TMEM9: variants seen among roughly 807,000 people sequenced by gnomAD.
TMEM9 encodes transmembrane protein 9.
In TMEM9, 13 loss-of-function variants were observed where a neutral mutation model predicts 22.8. The observed-to-expected ratio is 0.57, with a 90% CI of 0.37 to 0.91. The LOEUF is 0.91. Ranked by LOEUF, TMEM9 falls within the 40% of genes least tolerant of loss-of-function variation. The pLI is 0.01. For synonymous variants in TMEM9, 88 were observed against 93.0 expected, an observed-to-expected ratio of 0.95 and a Z score of 0.31; for missense variants, 182 against 238.1, an observed-to-expected ratio of 0.76 and a Z score of 1.55.
chr1:201,136,233 C>G (rs1462149631), intron 4 of TMEM9, among the ~76,000 whole-genome samples: 1 of 152,226 alleles, frequency 6.6e-6, no homozygotes, highest in Admixed American at 6.5e-5. Context: ...CAAGACCTCA[C>G]TTAGGCAGAG....
chr1:201,150,114 A>G (rs1287506107), intron 2 of TMEM9, among the ~76,000 whole-genome samples: 1 of 152,188 alleles, frequency 6.6e-6, no homozygotes, highest in Non-Finnish European at 1.5e-5. Context: ...GGACAGAGAG[A>G]GTGTTCCTAA....
At chr1:201,161,633 T>C (rs961697781) in intron 1 of TMEM9, among the ~76,000 whole-genome samples, 1 of 152,242 alleles carries the variant, frequency 6.6e-6, no homozygotes, top group African/African-American at 2.4e-5. Context: ...TCAGGACTTT[T>C]CAGATGCTTT....
upstream of TMEM9, among the ~76,000 whole-genome samples, chr1:201,158,911 C>T (rs979295373): frequency 6.6e-6 from 1 of 152,136 alleles, no homozygotes; most frequent in Non-Finnish European, 1.5e-5. Context: ...ACTCCCTGTC[C>T]CTACCGTTGG....
At chr1:201,159,484 TACACAC>T (rs60273477), upstream of TMEM9, among the ~76,000 whole-genome samples, 49,852 of 147,502 alleles carry the variant, frequency 0.34, 8,437 homozygotes, top group East Asian at 0.45. Flanking sequence ...TGCCTTTTTA[TACACAC>T]ACACACACAC....
At chr1:201,158,913 T>C (rs1665874803), upstream of TMEM9, among the ~76,000 whole-genome samples, 1 of 152,172 alleles carries the variant, frequency 6.6e-6, no homozygotes, top group Admixed American at 6.5e-5. Context: ...TCCCTGTCCC[T>C]ACCGTTGGTG....
In TMEM9 at chr1:201,154,068, C is replaced by G; in HGVS notation, c.-145G>C. On this transcript the variant is annotated 5_prime_UTR_variant, in exon 1 of 5. Coordinates refer to ENST00000367330, the MANE Select transcript of TMEM9 (RefSeq NM_001288565.2). ...TGGGAATGGGGTTGGGGGCTGGGCT[C>G]CAGGATTCCAAGGCCTGCTAAACCT... The G allele has an allele frequency of 1.0e-6, 1 of 970,802 alleles. No individual in the cohort carries two copies. 60.1% of individuals were successfully genotyped at this position (970,802 alleles called of 1,614,324 possible).
At chr1:201,168,486 A>T (rs1468649972) in intron 1 of TMEM9, among the ~76,000 whole-genome samples, 4 of 152,198 alleles carry the variant, frequency 2.6e-5, no homozygotes, top group African/African-American at 9.7e-5. Context: ...TGGGAGGCTG[A>T]TACAGGTGGA....
intron 1 of TMEM9, among the ~76,000 whole-genome samples, chr1:201,152,136 G>A (rs1665474146): frequency 6.7e-6 from 1 of 149,702 alleles, no homozygotes; most frequent in South Asian, 2.1e-4. Context: ...TTAGAGGAAT[G>A]CGGGGAGAGG....
chr1:201,161,254 G>A (rs1013051653), intron 1 of TMEM9, among the ~76,000 whole-genome samples: 9 of 151,978 alleles, frequency 5.9e-5, no homozygotes, highest in Non-Finnish European at 1.0e-4. Flanking sequence ...CTAACCTTCC[G>A]AAAACCCCAC....
intron 3 of TMEM9, chr1:201,144,469 A>G (rs1391111727): frequency 1.3e-5 from 2 of 157,326 alleles, no homozygotes; most frequent in African/African-American, 4.8e-5. Flanking sequence ...CAGAGTGGCT[A>G]GGGCTGGTAA....
intron 1 of TMEM9, among the ~76,000 whole-genome samples, chr1:201,153,092 CAGAA>C (rs1233403596): frequency 6.6e-6 from 1 of 152,206 alleles, no homozygotes; most frequent in Non-Finnish European, 1.5e-5. Context: ...CAGCAGGAGA[CAGAA>C]AGCCTTATGT....
At chr1:201,149,676 T>C (rs999636031) in intron 2 of TMEM9, among the ~76,000 whole-genome samples, 2 of 152,226 alleles carry the variant, frequency 1.3e-5, no homozygotes, top group African/African-American at 2.4e-5. Context: ...GGCTTTACTC[T>C]GCACAACCAA....
chr1:201,143,425 T>C (rs1422927894), intron 4 of TMEM9, among the ~76,000 whole-genome samples: 1 of 152,218 alleles, frequency 6.6e-6, no homozygotes, highest in East Asian at 1.9e-4. Context: ...TCAACAGATG[T>C]TTGTGGAATC....
At chr1:201,157,911 TCC>T (rs1439375308), upstream of TMEM9, among the ~76,000 whole-genome samples, 1 of 152,182 alleles carries the variant, frequency 6.6e-6, no homozygotes, top group Non-Finnish European at 1.5e-5. Flanking sequence ...CACATCCTAA[TCC>T]CTGGAACTTG....
At chr1:201,155,284 G>A (rs1423227303), upstream of TMEM9, among the ~76,000 whole-genome samples, 4 of 128,724 alleles carry the variant, frequency 3.1e-5, no homozygotes, top group African/African-American at 5.8e-5. Flanking sequence ...AAATGATTCG[G>A]TTGGATTCTA....
At chr1:201,166,727 TC>T (rs751169848) in intron 1 of TMEM9, among the ~76,000 whole-genome samples, 1 of 152,174 alleles carries the variant, frequency 6.6e-6, no homozygotes. Context: ...TAAACCCTAG[TC>T]CCGTCATATA....
intron 4 of TMEM9, among the ~76,000 whole-genome samples, chr1:201,141,596 G>A (rs1461679458): frequency 2.0e-5 from 3 of 152,108 alleles, no homozygotes; most frequent in Non-Finnish European, 4.4e-5. Context: ...TCAGGTGAGA[G>A]GTGAGGGCGT....
At chr1:201,153,730 A>T in intron 1 of TMEM9, 128 bp downstream of exon 1, 2 of 1,554,234 alleles carry the variant, frequency 1.3e-6, no homozygotes. Flanking sequence ...GACCACTAAA[A>T]GAAGTATGGC....
At chr1:201,148,848 T>C (rs754890666) in intron 2 of TMEM9, among the ~76,000 whole-genome samples, 14 of 152,248 alleles carry the variant, frequency 9.2e-5, no homozygotes, top group Admixed American at 2.6e-4. Flanking sequence ...TCCCCTGTTG[T>C]AACCGGAAGT....
Sources: gnomAD v4.1 joint callset for allele counts (sites outside exome capture counted in the v4.1 genomes callset) on GRCh38, gnomAD v4.1.1 for gene constraint, MANE v1.5 for transcripts, NCBI Gene and HGNC (gene_info 2026-07-23, HGNC 2026-07-21) for gene names.